GOLPH3L: variants seen among roughly 807,000 people sequenced by gnomAD.
GOLPH3L encodes the protein Golgi phosphoprotein 3-like.
GOLPH3L carries 22 observed loss-of-function variants against 30.3 expected under a neutral mutation model. The observed-to-expected ratio is 0.73, with a 90% CI of 0.52 to 1.04. The LOEUF (loss-of-function observed/expected upper bound fraction) is 1.04. Among genes scored for constraint, GOLPH3L ranks in the 50% least tolerant of loss-of-function variants. GOLPH3L has a pLI of 0.00. For synonymous variants in GOLPH3L, 120 were observed against 128.2 expected, an observed-to-expected ratio of 0.94 and a Z score of 0.43; for missense variants, 303 against 345.8, an observed-to-expected ratio of 0.88 and a Z score of 0.98.
intron 2 of GOLPH3L, chr1:150,694,000 C>T (rs1651284719): frequency 2.0e-5 from 5 of 255,176 alleles, no homozygotes; most frequent in South Asian, 9.7e-5. Context: ...CCTGGGATTA[C>T]AGGCACCCGC....
At chr1:150,671,434 T>G (rs1344910921) in intron 2 of GOLPH3L, among the ~76,000 whole-genome samples, 2 of 152,134 alleles carry the variant, frequency 1.3e-5, no homozygotes, top group Non-Finnish European at 2.9e-5. Flanking sequence ...TGCCCTTCCT[T>G]ATTCAAACTT....
At chr1:150,654,441 A>G (rs1449373542) in intron 4 of GOLPH3L, among the ~76,000 whole-genome samples, 1 of 151,648 alleles carries the variant, frequency 6.6e-6, no homozygotes, top group Non-Finnish European at 1.5e-5. Context: ...TAGGAGGCAG[A>G]GGTTGCAGCG....
rs768273419 is a variant in GOLPH3L, at chr1:150,670,280, A to G, written c.184-6517T>C. On this transcript the variant is annotated intron_variant, in intron 2 of 4. Coordinates refer to ENST00000271732, the MANE Select transcript of GOLPH3L (RefSeq NM_018178.6). Reference sequence around the variant, plus strand: ...TCCATCTCAAAAAAAATTGTAAAAAAGAAAGAAAAATCCCATTATAGAAAT... The same window carrying G: ...TCCATCTCAAAAAAAATTGTAAAAAGGAAAGAAAAATCCCATTATAGAAAT... 2.0e-5 allele frequency among the ~76,000 whole-genome samples: 3 copies of G among 149,464 alleles called. No homozygotes were observed. The South Asian group carries it at 6.4e-4, about 32-fold the overall frequency.
chr1:150,694,649 G>A lies in GOLPH3L; in HGVS notation c.183+7C>T. The A allele has an allele frequency of 6.4e-7, 1 of 1,570,374 alleles. No homozygotes were observed. The highest frequency in any genetic ancestry group is 1.4e-5 in the African/African-American group (1 of 73,374). ...TTGAGATAGCCTAGCAAACCTAACT[G>A]CATTACCTCTTTATCTTTTAGTCCC... On this transcript the variant is annotated splice_region_variant and intron_variant, in intron 2 of 4. Transcript: ENST00000271732.
intron 2 of GOLPH3L, among the ~76,000 whole-genome samples, chr1:150,680,961 GA>G (rs1650934654): frequency 6.6e-6 from 1 of 152,068 alleles, no homozygotes; most frequent in Non-Finnish European, 1.5e-5. Context: ...GCAACATGGT[GA>G]AACCCTGTCT....
chr1:150,664,584 G>A (rs1408056692), intron 2 of GOLPH3L, among the ~76,000 whole-genome samples: 1 of 152,050 alleles, frequency 6.6e-6, no homozygotes, highest in African/African-American at 2.4e-5. Flanking sequence ...CTCCTGAGTA[G>A]CTGGGATTAC....
At chr1:150,664,570 C>T (rs1446051331) in intron 2 of GOLPH3L, among the ~76,000 whole-genome samples, 1 of 152,096 alleles carries the variant, frequency 6.6e-6, no homozygotes, top group Non-Finnish European at 1.5e-5. Flanking sequence ...TCTCCTGCCT[C>T]AGCCTCCTGA....
rs1649990236 is a variant in GOLPH3L at position 150,647,013 on chromosome 1, G to A, written c.*1308C>T. The A allele has an allele frequency of 6.6e-6, 1 of 152,164 alleles. No individual in the cohort carries two copies. The highest frequency in any genetic ancestry group is 2.1e-4 in the South Asian group (1 of 4,824). 9.4% of individuals were successfully genotyped at this position (152,164 alleles called of 1,614,324 possible). On this transcript the variant is annotated 3_prime_UTR_variant, in exon 5 of 5. Transcript: ENST00000271732. ...ATGGTTTTACTGAAATAAGACTGAT[G>A]ACTAGGAGCACATCTATGGATTAAA... is the stretch of plus-strand genomic sequence containing the variant.
At chr1:150,666,553 G>A (rs1049424128) in intron 2 of GOLPH3L, among the ~76,000 whole-genome samples, 1 of 151,972 alleles carries the variant, frequency 6.6e-6, no homozygotes, top group African/African-American at 2.4e-5. Context: ...GGCCAGGCTG[G>A]TCTTGAACTC....
chr1:150,693,826 T>C (rs1046020789), intron 2 of GOLPH3L, among the ~76,000 whole-genome samples: 12 of 99,494 alleles, frequency 1.2e-4, no homozygotes, highest in Admixed American at 4.3e-4. Context: ...TGTGTATATA[T>C]ATATATATAT....
intron 1 of GOLPH3L, among the ~76,000 whole-genome samples, chr1:150,695,404 T>C (rs1290169201): frequency 1.3e-5 from 2 of 152,158 alleles, no homozygotes. Flanking sequence ...CCCAAAGTGC[T>C]AGGATTACAG....
chr1:150,694,997 A>C, intron 1 of GOLPH3L, 147 bp from the exon 2 acceptor site: 1 of 578,440 alleles, frequency 1.7e-6, no homozygotes. Context: ...GACCAGAAAA[A>C]AATGGGTGGG....
chr1:150,653,335 G>A (rs1650169572), intron 4 of GOLPH3L, among the ~76,000 whole-genome samples: 1 of 142,288 alleles, frequency 7.0e-6, no homozygotes, highest in Non-Finnish European at 1.5e-5. Context: ...TCACACTGTC[G>A]CCCTGGCTGG....
chr1:150,653,809 C>T (rs1222668940), intron 4 of GOLPH3L, among the ~76,000 whole-genome samples: 1 of 150,828 alleles, frequency 6.6e-6, no homozygotes, highest in Admixed American at 6.6e-5. Flanking sequence ...GTCACCCAGG[C>T]TGGAGTGCAG....
In GOLPH3L at chr1:150,663,777, AAAGAG is replaced by A; in HGVS notation, c.184-19_184-15del. The A allele has an allele frequency of 6.2e-7, 1 of 1,610,742 alleles. No homozygotes were observed. Among genetic ancestry groups the A allele is most frequent in the Non-Finnish European group, 8.5e-7 (1 of 1,177,682 alleles). On this transcript the variant is annotated splice_polypyrimidine_tract_variant and intron_variant, in intron 2 of 4. Transcript: ENST00000271732. ...AGATGTGTACCCCTAGGAAAGGAGA[AAAGAG>A]AAGAGAAAGAATGTTTTGAGAGGAA...
chr1:150,689,681 G>A (rs1299994962), intron 2 of GOLPH3L, among the ~76,000 whole-genome samples: 2 of 152,106 alleles, frequency 1.3e-5, no homozygotes, highest in African/African-American at 4.8e-5. Context: ...GTCTTACTCT[G>A]TCACCCAGGC....
intron 2 of GOLPH3L, among the ~76,000 whole-genome samples, chr1:150,678,359 G>C (rs1456632746): frequency 7.0e-6 from 1 of 143,822 alleles, no homozygotes; most frequent in Non-Finnish European, 1.5e-5. Flanking sequence ...AGATTATTAA[G>C]AGGTTGGGGT....
chr1:150,683,531 C>CAAA (rs35646727), intron 2 of GOLPH3L, among the ~76,000 whole-genome samples: 2,521 of 55,378 alleles, frequency 0.046, 119 homozygotes, highest in South Asian at 0.13. Context: ...GACTCTGTCT[C>CAAA]AAAAAAAAAA....
At chr1:150,682,200 C>G (rs893615141) in intron 2 of GOLPH3L, among the ~76,000 whole-genome samples, 1 of 151,904 alleles carries the variant, frequency 6.6e-6, no homozygotes, top group South Asian at 2.1e-4. Flanking sequence ...CTTCTTTACA[C>G]CTTTAAAAAA....
Sources: allele counts gnomAD v4.1 joint callset (sites outside exome capture counted in the v4.1 genomes callset), GRCh38; gene constraint gnomAD v4.1.1; transcripts MANE v1.5; gene names NCBI Gene and HGNC (gene_info 2026-07-23, HGNC 2026-07-21).